MTHFD1L: variants seen among roughly 807,000 people sequenced by gnomAD.
MTHFD1L encodes monofunctional C1-tetrahydrofolate synthase, mitochondrial.
A neutral mutation model predicts 119.5 loss-of-function variants in MTHFD1L; 81 were observed. The observed-to-expected ratio is 0.68, with a 90% CI of 0.57 to 0.82. The LOEUF is 0.82. Among genes scored for constraint, MTHFD1L ranks in the 40% least tolerant of loss-of-function variants. MTHFD1L has a pLI of 0.00. For synonymous variants in MTHFD1L, 430 were observed against 475.2 expected (o/e 0.90, Z 1.24); for missense variants, 1,125 against 1,253.4 (o/e 0.90, Z 1.55).
chr6:150,963,419 T>G (rs2129003864), intron 18 of MTHFD1L, among the ~76,000 whole-genome samples: 1 of 152,344 alleles, frequency 6.6e-6, no homozygotes, highest in East Asian at 1.9e-4. Flanking sequence ...CATATGTTAA[T>G]TAACTAGGTT....
intron 13 of MTHFD1L, among the ~76,000 whole-genome samples, chr6:150,942,159 G>A (rs1037184644): frequency 3.3e-5 from 5 of 152,028 alleles, no homozygotes; most frequent in South Asian, 4.2e-4. Context: ...CTTGGGAGGC[G>A]GAGGCAGGAG....
chr6:151,094,055 G>A (rs1794688210), intron 27 of MTHFD1L, among the ~76,000 whole-genome samples: 1 of 152,104 alleles, frequency 6.6e-6, no homozygotes, highest in African/African-American at 2.4e-5. Flanking sequence ...TCTTCCCTGG[G>A]AGACAACTCC....
chr6:151,041,961 C>G (rs1210263618), intron 26 of MTHFD1L: 1 of 373,818 alleles, frequency 2.7e-6, no homozygotes, highest in Non-Finnish European at 5.4e-6. Flanking sequence ...CACTTATAGG[C>G]CAGGGTTTTT....
At chr6:151,000,398 C>T (rs1281899422) in intron 20 of MTHFD1L, among the ~76,000 whole-genome samples, 1 of 151,594 alleles carries the variant, frequency 6.6e-6, no homozygotes, top group South Asian at 2.1e-4. Flanking sequence ...TTTAGGTCTC[C>T]TGATATGTGT....
intron 20 of MTHFD1L, among the ~76,000 whole-genome samples, chr6:151,009,141 AAG>A (rs201379170): frequency 0.019 from 2,827 of 146,436 alleles, 72 homozygotes; most frequent in African/African-American, 0.068. Flanking sequence ...AAAAAAAAAA[AAG>A]AGTAAGAAAG....
chr6:150,974,072 C>T (rs763199961), intron 20 of MTHFD1L, among the ~76,000 whole-genome samples: 6 of 152,104 alleles, frequency 3.9e-5, no homozygotes, highest in African/African-American at 1.4e-4. Context: ...GAAATCTGTC[C>T]GTTGCCAGAT....
chr6:151,036,258 A>T (rs1047582864), intron 25 of MTHFD1L, among the ~76,000 whole-genome samples: 10 of 150,010 alleles, frequency 6.7e-5, no homozygotes, highest in Non-Finnish European at 1.5e-4. Flanking sequence ...CTCTATTTTT[A>T]TTTTTTTTTT....
intron 6 of MTHFD1L, 97 bp from the exon 7 acceptor site, chr6:150,887,748 C>T: frequency 7.5e-7 from 1 of 1,325,674 alleles, no homozygotes; most frequent in Non-Finnish European, 1.0e-6. Context: ...TGAGCCACCA[C>T]ACCCAGCCTA....
chr6:150,951,031 T>TG (rs1353126117), intron 16 of MTHFD1L, among the ~76,000 whole-genome samples: 2 of 141,196 alleles, frequency 1.4e-5, no homozygotes, highest in Admixed American at 7.7e-5. Flanking sequence ...GGAAACTTTA[T>TG]GGTTTTTTTT....
chr6:150,978,578 A>C (rs567339540), intron 20 of MTHFD1L, among the ~76,000 whole-genome samples: 6 of 152,186 alleles, frequency 3.9e-5, no homozygotes, highest in Non-Finnish European at 7.3e-5. Flanking sequence ...AGAAATCAGA[A>C]TGAATCGACT....
intron 6 of MTHFD1L, 25 bp from the exon 7 acceptor site, chr6:150,887,820 T>A: frequency 1.3e-6 from 2 of 1,568,824 alleles, no homozygotes; most frequent in Non-Finnish European, 8.6e-7. Context: ...TTGAGTATAA[T>A]ATTGAATTTT....
chr6:151,011,145 C>T (rs1584113775), intron 21 of MTHFD1L, among the ~76,000 whole-genome samples: 1 of 152,142 alleles, frequency 6.6e-6, no homozygotes, highest in Non-Finnish European at 1.5e-5. Flanking sequence ...TCCTAATACC[C>T]GACACTTAAG....
chr6:150,878,832 G>A (rs190631518), intron 4 of MTHFD1L, among the ~76,000 whole-genome samples: 4 of 152,328 alleles, frequency 2.6e-5, no homozygotes, highest in East Asian at 3.9e-4. Context: ...GAGAAGAGCA[G>A]TTCTTTGCAG....
chr6:150,870,963 T>TATATATATAAAATATATATAATATA (rs1779336973), intron 1 of MTHFD1L, among the ~76,000 whole-genome samples: 1 of 128,508 alleles, frequency 7.8e-6, no homozygotes, highest in Admixed American at 7.8e-5. Flanking sequence ...ATATATATAT[T>TATATATATAAAATATATATAATATA]ATATATATAA....
At chr6:150,930,933 C>T (rs1476179325) in intron 11 of MTHFD1L, among the ~76,000 whole-genome samples, 3 of 152,194 alleles carry the variant, frequency 2.0e-5, no homozygotes, top group Non-Finnish European at 4.4e-5. Flanking sequence ...GGTATTTACA[C>T]CTACACATCA....
chr6:150,888,068 C>A, intron 7 of MTHFD1L, 87 bp downstream of exon 7: 1 of 1,369,122 alleles, frequency 7.3e-7, no homozygotes, highest in Non-Finnish European at 9.6e-7. Context: ...GTGCTTAATT[C>A]AAGAAATTAG....
At chr6:150,880,901 C>A (rs544972934) in intron 4 of MTHFD1L, among the ~76,000 whole-genome samples, 1 of 152,114 alleles carries the variant, frequency 6.6e-6, no homozygotes. Flanking sequence ...TGGGAGATGT[C>A]TGTTCACGTC....
At chr6:150,960,247 A>G (rs994480531) in intron 17 of MTHFD1L, 28 bp from the exon 18 acceptor site, 23 of 1,593,498 alleles carry the variant, frequency 1.4e-5, no homozygotes, top group Non-Finnish European at 1.9e-5. Flanking sequence ...ACTGTCGCTG[A>G]CCACTACCTG....
At position 151,033,261 on chromosome 6, in the gene MTHFD1L, A is replaced by G. The variant is rs578161709; in HGVS notation, c.2587-1232A>G. Among the ~76,000 whole-genome samples, 13 of 152,164 alleles carry G rather than the reference A, an allele frequency of 8.5e-5. No individual in the cohort carries two copies. The South Asian group carries it at 2.1e-3, about 24-fold the overall frequency. Reference sequence around the variant, plus strand: ...CAGCCTCCTGAGTAGCTGGGATTACAGAAGTGCGCTGCCACACCCAGCTGA... The same window carrying G: ...CAGCCTCCTGAGTAGCTGGGATTACGGAAGTGCGCTGCCACACCCAGCTGA... On this transcript the variant is annotated intron_variant, in intron 24 of 27. Transcript: ENST00000367321.
Sources: allele counts gnomAD v4.1 joint callset (sites outside exome capture counted in the v4.1 genomes callset), GRCh38; gene constraint gnomAD v4.1.1; transcripts MANE v1.5; gene names NCBI Gene and HGNC (gene_info 2026-07-23, HGNC 2026-07-21).